Variants in LRRC37A observed in about 807,000 individuals in gnomAD.
LRRC37A encodes the protein leucine rich repeat containing 37A.
In LRRC37A, 3 loss-of-function variants were observed where a neutral mutation model predicts 35.4. That is an observed-to-expected ratio of 0.08 (90% CI 0.04 to 0.22). LRRC37A has a LOEUF of 0.22. LRRC37A is among the 10% of genes least tolerant of loss of function. The pLI is 1.00. For synonymous variants in LRRC37A, 23 were observed against 215.0 expected, an observed-to-expected ratio of 0.11 and a Z score of 7.81; for missense variants, 67 against 565.3, an observed-to-expected ratio of 0.12 and a Z score of 8.94.
chr17:46,253,087 C>A, the LRRC37A span, among the ~76,000 whole-genome samples: 1 of 145,474 alleles, frequency 6.9e-6, no homozygotes, highest in African/African-American at 2.5e-5. Context: ...GGTTGCCGGG[C>A]GGAGGGTCTC....
the LRRC37A span, among the ~76,000 whole-genome samples, chr17:46,278,411 T>C: frequency 1.8e-5 from 2 of 113,036 alleles, no homozygotes; most frequent in Admixed American, 1.9e-4. Flanking sequence ...GTTTTTTTTT[T>C]GTTGTTGTTT....
the LRRC37A span, among the ~76,000 whole-genome samples, chr17:46,265,887 G>T: frequency 6.0e-4 from 92 of 152,324 alleles, no homozygotes; most frequent in African/African-American, 2.0e-3. Context: ...GCTTGAGGTC[G>T]GGCGTTTGAG....
chr17:46,289,481 T>G (rs1335566377), upstream of LRRC37A, among the ~76,000 whole-genome samples: 1 of 152,144 alleles, frequency 6.6e-6, no homozygotes, highest in African/African-American at 2.4e-5. Flanking sequence ...CATAAGAATA[T>G]TTCTTAAAAT....
chr17:46,290,182 T>C (rs529623103), upstream of LRRC37A, among the ~76,000 whole-genome samples: 1 of 152,304 alleles, frequency 6.6e-6, no homozygotes, highest in African/African-American at 2.4e-5. Flanking sequence ...CCGGCTAGAG[T>C]ACAGTGGTGC....
At chr17:46,256,151 A>G in the LRRC37A span, among the ~76,000 whole-genome samples, 7 of 152,098 alleles carry the variant, frequency 4.6e-5, no homozygotes, top group African/African-American at 1.7e-4. Flanking sequence ...TTGGGAGGCC[A>G]AGGTGGGTGG....
At chr17:46,287,417 T>C in the LRRC37A span, among the ~76,000 whole-genome samples, 1 of 152,192 alleles carries the variant, frequency 6.6e-6, no homozygotes, top group African/African-American at 2.4e-5. Context: ...CAATTTAAAT[T>C]TGAAAACAAA....
the LRRC37A span, among the ~76,000 whole-genome samples, chr17:46,265,505 C>T: frequency 8.5e-6 from 1 of 117,426 alleles, no homozygotes. Flanking sequence ...GGTTTTGAGA[C>T]AGGGTCTCCG....
chr17:46,279,077 C>T, the LRRC37A span, among the ~76,000 whole-genome samples: 1 of 152,294 alleles, frequency 6.6e-6, no homozygotes, highest in African/African-American at 2.4e-5. Flanking sequence ...GGATTATAGG[C>T]ATAAGCCACT....
At chr17:46,278,649 G>A in the LRRC37A span, among the ~76,000 whole-genome samples, 2 of 152,090 alleles carry the variant, frequency 1.3e-5, no homozygotes, top group South Asian at 2.1e-4. Flanking sequence ...TGATACACCC[G>A]CCTCGGCCTC....
At chr17:46,284,824 T>C in the LRRC37A span, among the ~76,000 whole-genome samples, 1 of 152,260 alleles carries the variant, frequency 6.6e-6, no homozygotes, top group Non-Finnish European at 1.5e-5. Flanking sequence ...CTTGTGATTA[T>C]GATAAAAATA....
In LRRC37A at chr17:46,330,834, G is replaced by A. The variant is rs1469296892; in HGVS notation, c.3557G>A (p.Ser1186Asn). ...CACTTCAAAGAGGTAGGAAGGCAGA[G>A]CATCAGGAGGGAACAGGGTGCCCAG... The change falls in exon 9 of 14, where the codon AGC (serine) becomes AAC (asparagine). Residue 1186 changes from serine (S) to asparagine (N), a missense_variant. Coordinates refer to ENST00000320254, the Ensembl canonical transcript of LRRC37A. 1.4e-6 allele frequency: 1 copy of A among 714,756 alleles called. No individual in the cohort carries two copies. Among genetic ancestry groups the A allele is most frequent in the East Asian group, 2.6e-5 (1 of 38,224 alleles). The allele number at this position is 714,756 out of a possible 1,614,324, so 44.3% of individuals were successfully genotyped here. A position where few individuals can be genotyped will look rare whatever the true frequency, so the allele number is the denominator to read the frequency against.
chr17:46,270,707 G>GA, the LRRC37A span, among the ~76,000 whole-genome samples: 1 of 152,204 alleles, frequency 6.6e-6, no homozygotes, highest in Non-Finnish European at 1.5e-5. Context: ...AGGAGTTTGA[G>GA]ACCAGCCTGG....
the LRRC37A span, among the ~76,000 whole-genome samples, chr17:46,274,050 A>G: frequency 6.6e-6 from 1 of 152,246 alleles, no homozygotes; most frequent in African/African-American, 2.4e-5. Context: ...ATTGACTGGG[A>G]ATGATAAAAC....
chr17:46,249,897 C>A, the LRRC37A span, among the ~76,000 whole-genome samples: 1 of 151,400 alleles, frequency 6.6e-6, no homozygotes, highest in African/African-American at 2.4e-5. Context: ...CTCCACCTCC[C>A]GGGTTCAAGC....
At chr17:46,289,343 A>G (rs1222065809), upstream of LRRC37A, among the ~76,000 whole-genome samples, 2 of 151,492 alleles carry the variant, frequency 1.3e-5, no homozygotes, top group African/African-American at 2.4e-5. Flanking sequence ...ATGCCCAGCT[A>G]CTTTTTTTTT....
chr17:46,256,602 T>G, the LRRC37A span, among the ~76,000 whole-genome samples: 2 of 152,214 alleles, frequency 1.3e-5, no homozygotes, highest in African/African-American at 4.8e-5. Context: ...CCACCCAGTA[T>G]GTAATACTGA....
chr17:46,256,922 C>T, the LRRC37A span, among the ~76,000 whole-genome samples: 4 of 152,198 alleles, frequency 2.6e-5, no homozygotes, highest in South Asian at 4.1e-4. Context: ...TAGACTTCAT[C>T]GCCATTTGTA....
At chr17:46,267,893 CTTTTTTTTT>C in the LRRC37A span, among the ~76,000 whole-genome samples, 2 of 89,280 alleles carry the variant, frequency 2.2e-5, no homozygotes, top group African/African-American at 6.0e-5. Flanking sequence ...ACTCCCACAT[CTTTTTTTTT>C]TTTTTTTTTT....
At chr17:46,268,122 G>C in the LRRC37A span, among the ~76,000 whole-genome samples, 1 of 152,160 alleles carries the variant, frequency 6.6e-6, no homozygotes, top group Non-Finnish European at 1.5e-5. Context: ...AATGTGATAA[G>C]GACCTTTGTT....
Sources: gnomAD v4.1 joint callset for allele counts (sites outside exome capture counted in the v4.1 genomes callset) on GRCh38, gnomAD v4.1.1 for gene constraint, MANE v1.5 for transcripts, NCBI Gene and HGNC (gene_info 2026-07-23, HGNC 2026-07-21) for gene names.